DPP6: variants seen among roughly 807,000 people sequenced by gnomAD.
The protein encoded by DPP6 is dipeptidyl peptidase like 6.
In DPP6, 69 loss-of-function variants were observed where a neutral mutation model predicts 122.6. The ratio of observed to expected loss-of-function variants is 0.56; its 90% CI spans 0.46 to 0.69. DPP6 has a LOEUF of 0.69. DPP6 is among the 30% of genes least tolerant of loss of function. The probability of loss-of-function intolerance (pLI) is 0.00; values close to 1 mark genes in which losing one functional copy is unlikely to be tolerated. For synonymous variants in DPP6, 418 were observed against 433.1 expected (o/e 0.97, Z 0.43); for missense variants, 928 against 1,116.9 (o/e 0.83, Z 2.41).
At chr7:154,564,399 A>G (rs1424156651) in intron 4 of DPP6, among the ~76,000 whole-genome samples, 2 of 152,200 alleles carry the variant, frequency 1.3e-5, no homozygotes, top group African/African-American at 4.8e-5. Context: ...CTAATGAGGC[A>G]TGTTTACATC....
At chr7:153,931,424 C>T (rs1214974919) in intron 1 of DPP6, among the ~76,000 whole-genome samples, 2 of 152,162 alleles carry the variant, frequency 1.3e-5, no homozygotes, top group African/African-American at 2.4e-5. Context: ...GACAGTCTTA[C>T]CATGATGGTG....
intron 1 of DPP6, among the ~76,000 whole-genome samples, chr7:154,222,072 CT>C (rs914471505): frequency 6.6e-6 from 1 of 152,152 alleles, no homozygotes; most frequent in African/African-American, 2.4e-5. Context: ...CTTCACATGC[CT>C]GGTTTTGTCG....
At chr7:153,803,953 C>T in the DPP6 span, among the ~76,000 whole-genome samples, 2 of 151,832 alleles carry the variant, frequency 1.3e-5, no homozygotes, top group African/African-American at 4.8e-5. Context: ...ATCTGTACTC[C>T]TTACTCCCCA....
At chr7:153,855,820 A>C in the DPP6 span, among the ~76,000 whole-genome samples, 1 of 152,106 alleles carries the variant, frequency 6.6e-6, no homozygotes, top group Non-Finnish European at 1.5e-5. Flanking sequence ...ACATCTCTGC[A>C]TATGTACTTG....
intron 1 of DPP6, among the ~76,000 whole-genome samples, chr7:154,412,455 G>C (rs1444398706): frequency 6.6e-6 from 1 of 152,044 alleles, no homozygotes; most frequent in Non-Finnish European, 1.5e-5. Context: ...CTTCTTTTAA[G>C]AACAGTGCCC....
Position 154,235,480 on chromosome 7 carries a change from T to C in DPP6, c.243+182417T>C, listed in dbSNP as rs74627569. Among the ~76,000 whole-genome samples, 2 of 145,548 alleles carry C rather than the reference T, an allele frequency of 1.4e-5. 1 individual carries two copies. The highest frequency in any genetic ancestry group is 1.3e-4 in the Admixed American group (2 of 14,942). ...GCTGTTCCAAAAGCTAGAGAATTCC[T>C]TTTTTTCTTTTTTCCTCTTACTATA... On this transcript the variant is annotated intron_variant, in intron 1 of 25. Transcript: ENST00000377770.
chr7:154,045,103 TAA>T (rs1313271518), intron 1 of DPP6, among the ~76,000 whole-genome samples: 144 of 151,198 alleles, frequency 9.5e-4, no homozygotes, highest in African/African-American at 3.4e-3. Context: ...ACATGAAACT[TAA>T]ACATCAGTTC....
chr7:154,760,098 A>G lies in DPP6; in HGVS notation c.884-9319A>G, dbSNP rs370607741. On this transcript the variant is annotated intron_variant, in intron 8 of 25. Transcript: ENST00000377770. This position sits in a 1 kb window ranked among gnomAD's most constrained non-coding sequence, Gnocchi z 4.5. Reference sequence around the variant, plus strand: ...AAATCATGCCATTGCACTCCAGCCTAGGTGACAGAGCGAGATTCTGTCTCA... The same window carrying G: ...AAATCATGCCATTGCACTCCAGCCTGGGTGACAGAGCGAGATTCTGTCTCA... Among the ~76,000 whole-genome samples, 12 of 152,318 alleles carry G rather than the reference A, an allele frequency of 7.9e-5. No individual in the cohort carries two copies. Among genetic ancestry groups the G allele is most frequent in the East Asian group, 1.9e-4 (1 of 5,180 alleles).
At chr7:153,855,156 T>G in the DPP6 span, among the ~76,000 whole-genome samples, 1 of 148,434 alleles carries the variant, frequency 6.7e-6, no homozygotes, top group Non-Finnish European at 1.5e-5. Flanking sequence ...AGTTAGTGGG[T>G]GCAGCGCACC....
chr7:153,939,946 C>G (rs147844483), intron 1 of DPP6, among the ~76,000 whole-genome samples: 1 of 152,114 alleles, frequency 6.6e-6, no homozygotes, highest in Non-Finnish European at 1.5e-5. Context: ...GAAACATGCC[C>G]GATCGTAAGG....
chr7:154,454,897 A>G (rs1820693391), intron 2 of DPP6, among the ~76,000 whole-genome samples: 1 of 152,182 alleles, frequency 6.6e-6, no homozygotes, highest in African/African-American at 2.4e-5. Flanking sequence ...TCCAAGGTCC[A>G]GGTGTTAAAG....
At chr7:154,441,452 A>G (rs1172051851) in intron 1 of DPP6, among the ~76,000 whole-genome samples, 1 of 152,218 alleles carries the variant, frequency 6.6e-6, no homozygotes, top group Non-Finnish European at 1.5e-5. Flanking sequence ...CACCTATGCA[A>G]TCAGTTCCTT....
chr7:153,999,044 G>A (rs1797570965), intron 1 of DPP6, among the ~76,000 whole-genome samples: 3 of 152,220 alleles, frequency 2.0e-5, no homozygotes, highest in Admixed American at 6.5e-5. Flanking sequence ...CAGGTGAAGC[G>A]CTAAGCCCCA....
chr7:154,682,337 A>G (rs1475951518), intron 7 of DPP6, among the ~76,000 whole-genome samples: 3 of 152,236 alleles, frequency 2.0e-5, no homozygotes, highest in African/African-American at 7.2e-5. Context: ...AAGGACCTGA[A>G]CTTCTTGTCT....
At chr7:154,660,579 G>T (rs532304206) in intron 6 of DPP6, among the ~76,000 whole-genome samples, 2 of 129,678 alleles carry the variant, frequency 1.5e-5, no homozygotes, top group African/African-American at 3.2e-5. Context: ...CGTATCGGCC[G>T]TAGTGTTCAT....
chr7:154,316,183 C>T (rs1807413586), intron 1 of DPP6, among the ~76,000 whole-genome samples: 1 of 152,076 alleles, frequency 6.6e-6, no homozygotes, highest in African/African-American at 2.4e-5. Context: ...CCTTGCTTTC[C>T]CTATTGTTTA....
intron 1 of DPP6, among the ~76,000 whole-genome samples, chr7:153,944,685 T>TTTTTTTG: frequency 6.7e-6 from 1 of 148,388 alleles, no homozygotes; most frequent in Non-Finnish European, 1.5e-5. Context: ...TTTTTTTTTT[T>TTTTTTTG]TGAGACAGAA....
At position 154,060,157 on chromosome 7, in the gene DPP6, C is replaced by T. The variant is rs182786220; in HGVS notation, c.243+7094C>T. On this transcript the variant is annotated intron_variant, in intron 1 of 25. Coordinates refer to ENST00000377770, the MANE Select transcript of DPP6 (RefSeq NM_130797.4). ...ACCTTTCCTCCCCTGGCTCTTTGCA[C>T]CCCCATCGCAGGGGGGGAGGCACCC... 3.3e-4 allele frequency among the ~76,000 whole-genome samples: 49 copies of T among 147,604 alleles called. 1 individual carries two copies. The highest frequency in any genetic ancestry group is 1.2e-3 in the African/African-American group (47 of 39,550).
chr7:154,091,938 C>T (rs1378217894), intron 1 of DPP6, among the ~76,000 whole-genome samples: 1 of 152,146 alleles, frequency 6.6e-6, no homozygotes, highest in African/African-American at 2.4e-5. Flanking sequence ...GTGTGGACAT[C>T]ACAGTGATTG....
Sources: allele counts gnomAD v4.1 joint callset (sites outside exome capture counted in the v4.1 genomes callset), GRCh38; gene constraint gnomAD v4.1.1; non-coding constraint Gnocchi (gnomAD v3.1); transcripts MANE v1.5; gene names NCBI Gene and HGNC (gene_info 2026-07-23, HGNC 2026-07-21).